Variants in FAM171A1 observed in about 807,000 individuals in gnomAD.
The protein encoded by FAM171A1 is protein FAM171A1.
A neutral mutation model predicts 74.9 loss-of-function variants in FAM171A1; 23 were observed. The ratio of observed to expected loss-of-function variants is 0.31; its 90% CI spans 0.22 to 0.44. The LOEUF (loss-of-function observed/expected upper bound fraction) is 0.44. FAM171A1 is among the 20% of genes least tolerant of loss of function. The pLI is 1.00. For synonymous variants in FAM171A1, 527 were observed against 505.7 expected, an observed-to-expected ratio of 1.04 and a Z score of -0.57; for missense variants, 1,162 against 1,159.2, an observed-to-expected ratio of 1.00 and a Z score of -0.03.
intron 1 of FAM171A1, among the ~76,000 whole-genome samples, chr10:15,307,415 C>T (rs897094642): frequency 6.6e-5 from 10 of 151,880 alleles, no homozygotes; most frequent in Non-Finnish European, 1.5e-4. Context: ...AAGGTTGAGG[C>T]GGGTGGATCA....
chr10:15,212,982 C>T lies in FAM171A1; in HGVS notation c.2606G>A (p.Gly869Glu). ...CTGCCAGGGGCTTTTCTTGTCTTCT[C>T]CTTGGTCATCATCATCATCGTCTTC... ...EEEDDDDDDQGEDKKSPWQKR... is the reference protein window; with the variant it reads ...EEEDDDDDDQEEDKKSPWQKR... Residue 869 changes from glycine (G) to glutamate (E), a missense_variant, in exon 8 of 8, where the codon GGA becomes GAA. Physicochemically the swap from Gly to Glu is moderately conservative, Grantham distance 98. Transcript: ENST00000378116. The T allele has an allele frequency of 6.2e-7, 1 of 1,614,054 alleles. No homozygotes were observed. Among genetic ancestry groups the T allele is most frequent in the Non-Finnish European group, 8.5e-7 (1 of 1,179,984 alleles).
At chr10:15,333,165 T>C (rs1835660948) in intron 1 of FAM171A1, among the ~76,000 whole-genome samples, 1 of 152,206 alleles carries the variant, frequency 6.6e-6, no homozygotes, top group Admixed American at 6.5e-5. Context: ...TCTGGGCTTC[T>C]AGCGTTTGGG....
intron 1 of FAM171A1, among the ~76,000 whole-genome samples, chr10:15,354,529 C>G (rs1835912483): frequency 6.6e-6 from 1 of 151,956 alleles, no homozygotes; most frequent in Admixed American, 6.6e-5. Flanking sequence ...ACTTTCAAGG[C>G]AATGAACTTG....
chr10:15,245,370 T>G (rs980836864), intron 5 of FAM171A1, among the ~76,000 whole-genome samples: 1 of 152,160 alleles, frequency 6.6e-6, no homozygotes, highest in African/African-American at 2.4e-5. Context: ...CCCGGCCCAA[T>G]CTGTTGACTT....
At position 15,213,063 on chromosome 10, in the gene FAM171A1, G is replaced by A. The variant is rs752821059; in HGVS notation, c.2525C>T (p.Ala842Val). 6.2e-6 allele frequency: 10 copies of A among 1,613,524 alleles called. No individual in the cohort carries two copies. Among genetic ancestry groups the A allele is most frequent in the Non-Finnish European group, 8.5e-6 (10 of 1,179,910 alleles). The change falls in exon 8 of 8, where the codon GCC (alanine) becomes GTC (valine). Residue 842 changes from alanine to valine, a missense_variant. Transcript: ENST00000378116. The surrounding 1 kb of genome is among the most constrained non-coding windows in gnomAD (Gnocchi z 6.8). ...GGGGCTGGCTGCTGGCTCCGAGGGG[G>A]CATCCGCAGTCCGTCTGGTCGTCTC... ...QEETTRRTAD[A>V]PSEPAASPHQ...
intron 5 of FAM171A1, among the ~76,000 whole-genome samples, chr10:15,223,361 G>C (rs887381583): frequency 1.3e-5 from 2 of 152,108 alleles, no homozygotes; most frequent in Admixed American, 6.6e-5. Flanking sequence ...CAGCCTCTCT[G>C]CATCAGCCAG....
chr10:15,335,141 G>C (rs1835685637), intron 1 of FAM171A1, among the ~76,000 whole-genome samples: 3 of 152,190 alleles, frequency 2.0e-5, no homozygotes, highest in Admixed American at 6.5e-5. Context: ...CTACTTGGGA[G>C]GCTGAGGCAG....
intron 5 of FAM171A1, among the ~76,000 whole-genome samples, chr10:15,244,152 G>A (rs557454211): frequency 6.6e-6 from 1 of 152,232 alleles, no homozygotes; most frequent in East Asian, 1.9e-4. Context: ...TCAGGAGTTC[G>A]AGACCACCTA....
chr10:15,226,323 C>T (rs560067453), intron 5 of FAM171A1, among the ~76,000 whole-genome samples: 47 of 152,260 alleles, frequency 3.1e-4, no homozygotes, highest in Admixed American at 2.5e-3. Context: ...GTGAAGGTTA[C>T]GGGGTGATCT....
chr10:15,220,383 T>C (rs1834021153), intron 6 of FAM171A1, among the ~76,000 whole-genome samples: 1 of 152,152 alleles, frequency 6.6e-6, no homozygotes, highest in Non-Finnish European at 1.5e-5. Context: ...TCAACAATTC[T>C]AGAATATTTT....
At chr10:15,337,142 A>C (rs1190031455) in intron 1 of FAM171A1, among the ~76,000 whole-genome samples, 1 of 151,936 alleles carries the variant, frequency 6.6e-6, no homozygotes, top group African/African-American at 2.4e-5. Flanking sequence ...TGGCCTCCCA[A>C]AGTGTCAGGA....
At chr10:15,336,876 C>G (rs1835706864) in intron 1 of FAM171A1, among the ~76,000 whole-genome samples, 1 of 151,590 alleles carries the variant, frequency 6.6e-6, no homozygotes, top group Non-Finnish European at 1.5e-5. Flanking sequence ...GACTCAGGAT[C>G]ACTGTGTACC....
chr10:15,307,066 T>C (rs1057075966), intron 1 of FAM171A1, among the ~76,000 whole-genome samples: 1 of 152,170 alleles, frequency 6.6e-6, no homozygotes, highest in African/African-American at 2.4e-5. Flanking sequence ...AGGCTCTCTG[T>C]TGGGTGACCT....
chr10:15,231,513 G>A (rs1306219600), intron 5 of FAM171A1, among the ~76,000 whole-genome samples: 2 of 151,964 alleles, frequency 1.3e-5, no homozygotes, highest in African/African-American at 2.4e-5. Flanking sequence ...CTGAGAACGC[G>A]GTTCTAACGA....
At chr10:15,362,789 G>C (rs901901972) in intron 1 of FAM171A1, among the ~76,000 whole-genome samples, 3 of 152,160 alleles carry the variant, frequency 2.0e-5, no homozygotes, top group Admixed American at 6.6e-5. Context: ...AGTCATACGA[G>C]AGTTAGTGGG....
At chr10:15,222,804 C>A (rs10906864) in intron 5 of FAM171A1, among the ~76,000 whole-genome samples, 35,968 of 152,220 alleles carry the variant, frequency 0.24, 4,633 homozygotes, top group East Asian at 0.38. Flanking sequence ...ACAGTGGGCA[C>A]GTGGGACAAG....
intron 1 of FAM171A1, among the ~76,000 whole-genome samples, chr10:15,325,414 G>A (rs948697824): frequency 6.6e-6 from 1 of 152,118 alleles, no homozygotes; most frequent in African/African-American, 2.4e-5. Context: ...AGGCTGAGGT[G>A]GGAGGATCAC....
chr10:15,219,608 G>A (rs1004566826), intron 6 of FAM171A1, among the ~76,000 whole-genome samples: 4 of 152,074 alleles, frequency 2.6e-5, no homozygotes, highest in Non-Finnish European at 4.4e-5. Context: ...TTGAGAGGGT[G>A]TCTCGCTCTG....
At chr10:15,341,102 G>A (rs935754401) in intron 1 of FAM171A1, among the ~76,000 whole-genome samples, 2 of 152,172 alleles carry the variant, frequency 1.3e-5, no homozygotes, top group East Asian at 1.9e-4. Flanking sequence ...ACATAAAGAC[G>A]TTTACAATTT....
Sources: gnomAD v4.1 joint callset for allele counts (sites outside exome capture counted in the v4.1 genomes callset) on GRCh38, gnomAD v4.1.1 for gene constraint, Gnocchi (gnomAD v3.1) non-coding constraint, MANE v1.5 for transcripts, NCBI Gene and HGNC (gene_info 2026-07-23, HGNC 2026-07-21) for gene names.